The following GRIP1 variants were observed in gnomAD, a reference collection of about 807,000 sequenced individuals.
GRIP1 encodes glutamate receptor-interacting protein 1.
GRIP1 carries 45 observed loss-of-function variants against 129.9 expected under a neutral mutation model. The observed-to-expected ratio is 0.35, with a 90% CI of 0.27 to 0.44. GRIP1 has a LOEUF of 0.44. Ranked by LOEUF, GRIP1 falls within the 20% of genes least tolerant of loss-of-function variation. The pLI is 1.00. For missense variants in GRIP1, 1,196 were observed against 1,396.8 expected (o/e 0.86, Z 2.29); for synonymous variants, 530 against 520.8 (o/e 1.02, Z -0.24).
intron 1 of GRIP1, among the ~76,000 whole-genome samples, chr12:66,970,616 T>G (rs539294992): frequency 1.6e-5 from 1 of 61,062 alleles, no homozygotes; most frequent in Admixed American, 1.5e-4. Context: ...CCAGCCAGTG[T>G]CTGTCTGCAT....
At chr12:66,516,819 T>C (rs1300811519) in intron 6 of GRIP1, among the ~76,000 whole-genome samples, 1 of 152,202 alleles carries the variant, frequency 6.6e-6, no homozygotes, top group East Asian at 1.9e-4. Flanking sequence ...TATTTTCTAA[T>C]TTTATATGAA....
chr12:66,464,714 G>T (rs891383689), intron 8 of GRIP1, among the ~76,000 whole-genome samples: 1 of 152,020 alleles, frequency 6.6e-6, no homozygotes, highest in Non-Finnish European at 1.5e-5. Context: ...ACATCTGGAT[G>T]ACGTGAAGTG....
At chr12:66,770,215 G>A (rs2037774152) in intron 1 of GRIP1, among the ~76,000 whole-genome samples, 1 of 152,144 alleles carries the variant, frequency 6.6e-6, no homozygotes, top group Non-Finnish European at 1.5e-5. Context: ...CACAGCAAAT[G>A]CTGAATAAAG....
At chr12:66,525,272 A>T (rs1353417982) in intron 5 of GRIP1, among the ~76,000 whole-genome samples, 6 of 152,218 alleles carry the variant, frequency 3.9e-5, no homozygotes, top group African/African-American at 1.4e-4. Flanking sequence ...ATTGATGCAA[A>T]AATCCTCAAT....
chr12:67,030,211 A>AAATAATAATAAT (rs67187831), intron 1 of GRIP1, among the ~76,000 whole-genome samples: 83 of 145,580 alleles, frequency 5.7e-4, no homozygotes, highest in Admixed American at 1.0e-3. Context: ...ACTCTGTCTC[A>AAATAATAATAAT]AATAATAATA....
chr12:66,353,277 T>G (rs908814843), intron 24 of GRIP1, 140 bp downstream of exon 24: 1 of 739,902 alleles, frequency 1.4e-6, no homozygotes, highest in South Asian at 1.5e-5. Flanking sequence ...TTCAGCTGTT[T>G]GCTTCTACTG....
intron 1 of GRIP1, among the ~76,000 whole-genome samples, chr12:67,065,902 G>A (rs1282165203): frequency 6.6e-6 from 1 of 152,186 alleles, no homozygotes; most frequent in Non-Finnish European, 1.5e-5. Flanking sequence ...AAACAGGACA[G>A]TTTTCAGAAA....
chr12:66,439,019 G>T (rs1198484827), intron 13 of GRIP1, among the ~76,000 whole-genome samples: 1 of 152,140 alleles, frequency 6.6e-6, no homozygotes, highest in Non-Finnish European at 1.5e-5. Flanking sequence ...GTGATAGATG[G>T]CCAGGGAAGG....
chr12:66,375,023 C>T (rs544803621), intron 22 of GRIP1, among the ~76,000 whole-genome samples: 42 of 152,202 alleles, frequency 2.8e-4, no homozygotes, highest in African/African-American at 9.1e-4. Context: ...CTAAGGCAGC[C>T]TAGAGTTCTC....
In GRIP1 at chr12:66,734,751, G is replaced by A. The variant is rs2036543303; in HGVS notation, c.-420+69302C>T. On this transcript the variant is annotated intron_variant, in intron 1 of 4. Coordinates refer to the GRIP1 transcript ENST00000538373. ...GGACAGGAATAAACATTTGTTTTGT[G>A]AATGGTAGGAAGAGTGTTATAAAAA... Among the ~76,000 whole-genome samples the A allele has an allele frequency of 2.0e-5, 3 of 152,272 alleles. No individual in the cohort carries two copies. The South Asian group carries it at 6.2e-4, about 32-fold the overall frequency.
At chr12:66,898,810 T>TC (rs2137260552) in intron 1 of GRIP1, among the ~76,000 whole-genome samples, 1 of 152,320 alleles carries the variant, frequency 6.6e-6, no homozygotes, top group Admixed American at 6.5e-5. Flanking sequence ...AATAACTACC[T>TC]TGAAATTACT....
intron 2 of GRIP1, among the ~76,000 whole-genome samples, chr12:66,542,678 G>A (rs1009973345): frequency 6.6e-5 from 10 of 152,200 alleles, no homozygotes; most frequent in African/African-American, 2.2e-4. Flanking sequence ...AGTCAGAGCA[G>A]AAGGTAAGAA....
chr12:66,537,201 G>A (rs2061631150), intron 4 of GRIP1, among the ~76,000 whole-genome samples: 1 of 152,078 alleles, frequency 6.6e-6, no homozygotes, highest in Non-Finnish European at 1.5e-5. Context: ...ACAAATCTAT[G>A]AGTAGGAACT....
chr12:66,876,566 C>T (rs2040386782), intron 1 of GRIP1, among the ~76,000 whole-genome samples: 1 of 152,014 alleles, frequency 6.6e-6, no homozygotes, highest in Non-Finnish European at 1.5e-5. Flanking sequence ...CAGCTACAGA[C>T]ATAGCAAAGC....
intron 1 of GRIP1, among the ~76,000 whole-genome samples, chr12:66,931,363 C>T (rs1048532582): frequency 1.3e-5 from 2 of 152,140 alleles, no homozygotes; most frequent in Non-Finnish European, 2.9e-5. Context: ...TAGGAGGCCC[C>T]TGACATCCTT....
chr12:66,977,412 T>C lies in GRIP1; in HGVS notation c.58+91638A>G, dbSNP rs988281888. ...TCTATAACATAACTCTTTAACTTCT[T>C]TTAAAATGTAACATAAAGGTTACAG... is the stretch of plus-strand genomic sequence containing the variant. On this transcript the variant is annotated intron_variant, in intron 1 of 1. Transcript: ENST00000643019. Among the ~76,000 whole-genome samples, 4 of 152,228 alleles carry C rather than the reference T, an allele frequency of 2.6e-5. No individual in the cohort carries two copies. In the East Asian group the frequency reaches 5.8e-4, roughly 22 times the overall value.
chr12:66,371,898 A>G lies in GRIP1; in HGVS notation c.2808T>C (p.Ser936=), dbSNP rs1367995106. 6.2e-7 allele frequency: 1 copy of G among 1,611,976 alleles called. No homozygotes were observed. Among genetic ancestry groups the G allele is most frequent in the East Asian group, 2.2e-5 (1 of 44,858 alleles). Residue 936 remains serine (S), a synonymous_variant, in exon 23 of 25, where the codon AGT becomes AGC. Transcript: ENST00000359742. ...LATIMSGSTM[S]LNHEAPTPRS... ...GAGGTGTTGGAGCCTCATGATTCAA[A>G]CTCATCGTGCTCCCCGACATGATTG...
intron 1 of GRIP1, among the ~76,000 whole-genome samples, chr12:67,061,058 T>C (rs1315914599): frequency 6.6e-6 from 1 of 152,216 alleles, no homozygotes; most frequent in Non-Finnish European, 1.5e-5. Flanking sequence ...CTTGGATAAC[T>C]GCAACATTGT....
At chr12:66,806,435 T>C (rs2038994871), upstream of GRIP1, among the ~76,000 whole-genome samples, 1 of 152,308 alleles carries the variant, frequency 6.6e-6, no homozygotes, top group East Asian at 1.9e-4. Flanking sequence ...TTAATTCAAG[T>C]ATATGTGTCC....
Sources: allele counts gnomAD v4.1 joint callset (sites outside exome capture counted in the v4.1 genomes callset), GRCh38; gene constraint gnomAD v4.1.1; transcripts MANE v1.5; gene names NCBI Gene and HGNC (gene_info 2026-07-23, HGNC 2026-07-21).